The following CCDC141 variants were observed in gnomAD, a reference collection of about 807,000 sequenced individuals.
CCDC141 encodes coiled-coil domain containing 141.
Under a neutral mutation model 181.0 loss-of-function variants are expected in CCDC141, and 168 were observed. The observed-to-expected ratio is 0.93, with a 90% CI of 0.82 to 1.05. The LOEUF (loss-of-function observed/expected upper bound fraction) is 1.05. CCDC141 is among the 50% of genes least tolerant of loss of function. The pLI, the probability that CCDC141 is intolerant of heterozygous loss-of-function variation, is 0.00. For synonymous variants in CCDC141, 666 were observed against 642.3 expected (o/e 1.04, Z -0.56); for missense variants, 1,902 against 1,788.5 (o/e 1.06, Z -1.14).
Position 178,836,873 on chromosome 2 carries a change from T to C in CCDC141, c.4325+21A>G, listed in dbSNP as rs1684495764. ...GATTGAATTTGTTTCCATTTATGGC[T>C]TGTCATTATAGGCTACCCACCATGT... On this transcript the variant is annotated intron_variant, in intron 23 of 23. Coordinates refer to ENST00000443758, the MANE Select transcript of CCDC141 (RefSeq NM_173648.4). The C allele has an allele frequency of 2.5e-6, 4 of 1,581,918 alleles. No individual in the cohort carries two copies. In the East Asian group the frequency reaches 8.9e-5, roughly 35 times the overall value.
At chr2:178,886,177 C>T (rs1324198346) in intron 10 of CCDC141, among the ~76,000 whole-genome samples, 1 of 151,664 alleles carries the variant, frequency 6.6e-6, no homozygotes, top group African/African-American at 2.4e-5. Context: ...GGGGAGGGCA[C>T]TTGACTCATG....
chr2:179,027,920 C>G (rs1034006405), intron 2 of CCDC141, among the ~76,000 whole-genome samples: 1 of 152,144 alleles, frequency 6.6e-6, no homozygotes, highest in Non-Finnish European at 1.5e-5. Context: ...TTGTTGTTCC[C>G]TTCTTTGCAT....
intron 5 of CCDC141, among the ~76,000 whole-genome samples, chr2:178,959,044 C>CA (rs1690278399): frequency 7.0e-6 from 1 of 143,218 alleles, no homozygotes; most frequent in Admixed American, 7.3e-5. Context: ...GTCGCAAGGA[C>CA]AAAAAACCAA....
intron 4 of CCDC141, among the ~76,000 whole-genome samples, 184 bp downstream of exon 4, chr2:178,974,873 G>A (rs1358341146): frequency 1.3e-5 from 2 of 152,100 alleles, no homozygotes; most frequent in African/African-American, 4.8e-5. Flanking sequence ...CATCCTCTCA[G>A]AATATTCACA....
rs1026044483 is a variant in CCDC141 at position 178,869,211 on chromosome 2, T to C, written c.2300A>G (p.Asp767Gly). 6.2e-7 allele frequency: 1 copy of C among 1,613,736 alleles called. No individual in the cohort carries two copies. The highest frequency in any genetic ancestry group is 1.7e-5 in the Admixed American group (1 of 59,990). ...CTGTTTTTGATGGAAGTGAATAAGGTCCTTCAGTTGTTGAGACTTTTCTTT... is the reference window on the plus strand; with the variant it reads ...CTGTTTTTGATGGAAGTGAATAAGGCCCTTCAGTTGTTGAGACTTTTCTTT... The part of the protein sequence containing the change: ...PVKEKSQQLK[D>G]LIHFHQKQKE... Residue 767 changes from aspartate to glycine, a missense_variant, in exon 15 of 24, where the codon GAC becomes GGC. Physicochemically the swap from Asp to Gly is moderately conservative, Grantham distance 94 (BLOSUM62 -1). Coordinates refer to ENST00000443758, the MANE Select transcript of CCDC141 (RefSeq NM_173648.4).
At chr2:178,958,268 T>C (rs1690243744) in intron 5 of CCDC141, among the ~76,000 whole-genome samples, 1 of 152,156 alleles carries the variant, frequency 6.6e-6, no homozygotes, top group Admixed American at 6.5e-5. Context: ...ACATTTGGAA[T>C]GTACATCATC....
At chr2:178,889,926 C>A (rs906042264) in intron 8 of CCDC141, among the ~76,000 whole-genome samples, 1 of 152,166 alleles carries the variant, frequency 6.6e-6, no homozygotes, top group East Asian at 1.9e-4. Flanking sequence ...CTTAACAACA[C>A]TAAATTCCAT....
chr2:178,903,385 A>T (rs912199599), intron 8 of CCDC141, among the ~76,000 whole-genome samples: 10 of 152,120 alleles, frequency 6.6e-5, no homozygotes, highest in African/African-American at 2.4e-4. Context: ...AGACTGGATT[A>T]AGAAAATGTG....
chr2:179,045,262 G>A (rs959195949), intron 2 of CCDC141, among the ~76,000 whole-genome samples: 4 of 143,924 alleles, frequency 2.8e-5, no homozygotes, highest in Non-Finnish European at 6.1e-5. Context: ...AATATGTGGT[G>A]TTTGGTTTTT....
chr2:179,017,560 G>A (rs184095359), intron 2 of CCDC141, among the ~76,000 whole-genome samples: 1 of 152,126 alleles, frequency 6.6e-6, no homozygotes, highest in Admixed American at 6.6e-5. Flanking sequence ...GAAGAAAGTG[G>A]CAGCTAGTTT....
At chr2:179,029,847 A>G (rs2042954321) in intron 2 of CCDC141, among the ~76,000 whole-genome samples, 1 of 152,162 alleles carries the variant, frequency 6.6e-6, no homozygotes, top group African/African-American at 2.4e-5. Flanking sequence ...GGTGATATAG[A>G]AAGTTTTCTG....
chr2:178,946,295 A>G (rs528597195), intron 5 of CCDC141, among the ~76,000 whole-genome samples: 12 of 152,296 alleles, frequency 7.9e-5, no homozygotes, highest in African/African-American at 2.9e-4. Flanking sequence ...GTGCCTATGA[A>G]AACACAGAGA....
At chr2:179,025,603 T>C (rs1356048078) in intron 2 of CCDC141, among the ~76,000 whole-genome samples, 1 of 152,222 alleles carries the variant, frequency 6.6e-6, no homozygotes, top group Non-Finnish European at 1.5e-5. Context: ...GGTATGTCTT[T>C]ATCAGCAGTG....
intron 8 of CCDC141, among the ~76,000 whole-genome samples, chr2:178,902,966 C>T (rs1284278646): frequency 6.7e-6 from 1 of 148,814 alleles, no homozygotes; most frequent in East Asian, 2.0e-4. Context: ...AGACACTTCT[C>T]AAAAGAAGAC....
chr2:178,887,440 A>C (rs1045604639), intron 9 of CCDC141, among the ~76,000 whole-genome samples: 14 of 152,168 alleles, frequency 9.2e-5, no homozygotes, highest in African/African-American at 3.4e-4. Context: ...TGACCCTTGA[A>C]GGGTTCTGTT....
rs1482096560 is a variant in CCDC141 at position 178,886,766 on chromosome 2, C to T, written c.1513G>A (p.Asp505Asn). Residue 505 changes from aspartate to asparagine, a missense_variant, in exon 10 of 24, where the codon GAT becomes AAT. Physicochemically the swap from Asp to Asn is conservative, Grantham distance 23 (BLOSUM62 1). Coordinates refer to ENST00000443758, the MANE Select transcript of CCDC141 (RefSeq NM_173648.4). Reference protein sequence around the residue: ...EKILNKYLELDIQAKETSHEL... With the variant: ...EKILNKYLELNIQAKETSHEL... ...ATTTTATTTACCTTAGCTTGGATATCTAGTTCCAGATATTTATTCAAAATC... is the reference window on the plus strand; with the variant it reads ...ATTTTATTTACCTTAGCTTGGATATTTAGTTCCAGATATTTATTCAAAATC... 6.9e-7 allele frequency: 1 copy of T among 1,445,954 alleles called. No individual in the cohort carries two copies. Among genetic ancestry groups the T allele is most frequent in the Non-Finnish European group, 9.3e-7 (1 of 1,080,126 alleles). The allele number at this position is 1,445,954 out of a possible 1,614,324, so 89.6% of individuals were successfully genotyped here. A position where few individuals can be genotyped will look rare whatever the true frequency, so the allele number is the denominator to read the frequency against.
chr2:179,020,185 T>C (rs933054437), intron 2 of CCDC141, among the ~76,000 whole-genome samples: 1 of 151,974 alleles, frequency 6.6e-6, no homozygotes, highest in Admixed American at 6.5e-5. Context: ...AATACAGGTG[T>C]GTGGTTTTTT....
At chr2:178,868,268 C>T (rs1239023629) in intron 15 of CCDC141, 63 bp from the exon 16 acceptor site, 129 of 1,446,522 alleles carry the variant, frequency 8.9e-5, no homozygotes, top group Middle Eastern at 1.9e-4. Context: ...TTTTTTAAGC[C>T]TAATTTCTAT....
chr2:178,884,697 C>T (rs1002029709), intron 11 of CCDC141, among the ~76,000 whole-genome samples: 3 of 152,132 alleles, frequency 2.0e-5, no homozygotes, highest in South Asian at 4.1e-4. Context: ...AGGCATATCT[C>T]GACCTTGGCT....
Sources: allele counts gnomAD v4.1 joint callset (sites outside exome capture counted in the v4.1 genomes callset), GRCh38; gene constraint gnomAD v4.1.1; transcripts MANE v1.5; gene names NCBI Gene and HGNC (gene_info 2026-07-23, HGNC 2026-07-21).